ST6GALNAC6: variants seen among roughly 807,000 people sequenced by gnomAD.
The protein encoded by ST6GALNAC6 is ST6 N-acetylgalactosaminide alpha-2,6-sialyltransferase 6, also known as alpha-N-acetylgalactosaminide alpha-2,6-sialyltransferase 6.
In ST6GALNAC6, 19 loss-of-function variants were observed where a neutral mutation model predicts 34.3. The ratio of observed to expected loss-of-function variants is 0.55; its 90% CI spans 0.39 to 0.81. ST6GALNAC6 has a LOEUF of 0.81. Ranked by LOEUF, ST6GALNAC6 falls within the 40% of genes least tolerant of loss-of-function variation. ST6GALNAC6 has a pLI of 0.00. For synonymous variants in ST6GALNAC6, 185 were observed against 182.1 expected (o/e 1.02, Z -0.13); for missense variants, 377 against 467.7 (o/e 0.81, Z 1.79).
At chr9:127,894,925 G>T (rs1424138709) in intron 3 of ST6GALNAC6, among the ~76,000 whole-genome samples, 1 of 152,180 alleles carries the variant, frequency 6.6e-6, no homozygotes, top group Non-Finnish European at 1.5e-5. Context: ...GACTAGGTCA[G>T]CCTTGCTCCC....
intron 2 of ST6GALNAC6, 89 bp downstream of exon 2, chr9:127,897,866 CT>C (rs1333425898): frequency 2.5e-6 from 4 of 1,598,724 alleles, no homozygotes; most frequent in African/African-American, 1.3e-5. Context: ...CACCGTCCCC[CT>C]GGTCCGCCCC....
chr9:127,891,737 GAGGGGGAGGGGAAGAAGAC>G (rs1830152092), intron 4 of ST6GALNAC6, among the ~76,000 whole-genome samples: 1 of 136,786 alleles, frequency 7.3e-6, no homozygotes, highest in Non-Finnish European at 1.6e-5. Context: ...AGGGGAGGGG[GAGGGGGAGGGGAAGAAGAC>G]AGGGGGAGGG....
Position 127,887,478 on chromosome 9 carries a change from G to A in ST6GALNAC6, c.812+6C>T, listed in dbSNP as rs759204910. ...TCCTGGGAGGGCGCTGGCAAGGAGG[G>A]CTCACCTGCAGTAGTTGGGGGGGAC... On this transcript the variant is annotated splice_donor_region_variant and intron_variant, in intron 6 of 6. Coordinates refer to ENST00000373146, the MANE Select transcript of ST6GALNAC6 (RefSeq NM_013443.5). The A allele has an allele frequency of 8.0e-5, 128 of 1,607,824 alleles. 1 individual carries two copies. The highest frequency in any genetic ancestry group is 1.8e-4 in the Admixed American group (11 of 59,508).
chr9:127,886,366 C>A lies in ST6GALNAC6; in HGVS notation c.*233G>T. The stretch of plus-strand genomic sequence containing the variant: ...TCTACCCTGATTGACTGTGCGCAGA[C>A]CCTGACTGCACAAGAAAGACACCCC... On this transcript the variant is annotated 3_prime_UTR_variant, in exon 7 of 7. Coordinates refer to ENST00000373146, the MANE Select transcript of ST6GALNAC6 (RefSeq NM_013443.5). 2 of 1,303,118 alleles carry A rather than the reference C, an allele frequency of 1.5e-6. No individual in the cohort carries two copies. The highest frequency in any genetic ancestry group is 2.0e-6 in the Non-Finnish European group (2 of 979,102). The allele number at this position is 1,303,118 out of a possible 1,614,324, so 80.7% of individuals were successfully genotyped here.
chr9:127,891,735 G>A (rs1830151444), intron 4 of ST6GALNAC6, among the ~76,000 whole-genome samples: 1 of 138,154 alleles, frequency 7.2e-6, no homozygotes, highest in South Asian at 2.5e-4. Flanking sequence ...GAAGGGGAGG[G>A]GGAGGGGGAG....
chr9:127,901,569 C>A (rs113801474), upstream of ST6GALNAC6, among the ~76,000 whole-genome samples: 162 of 152,068 alleles, frequency 1.1e-3, 1 homozygote, highest in African/African-American at 3.8e-3. Flanking sequence ...GAGCCCAGAT[C>A]GTGCCACTGC....
rs1351579222 is a variant in ST6GALNAC6, at chr9:127,896,287, T to G, written c.72A>C (p.Arg24=). 3 of 1,613,912 alleles carry G rather than the reference T, an allele frequency of 1.9e-6. No individual in the cohort carries two copies. Among genetic ancestry groups the G allele is most frequent in the African/African-American group, 1.3e-5 (1 of 74,896 alleles). The change falls in exon 3 of 7, where the codon CGA becomes CGC. Residue 24 remains arginine (R), a synonymous_variant. Coordinates refer to ENST00000373146, the MANE Select transcript of ST6GALNAC6 (RefSeq NM_013443.5). ...SLPPGPPAGR[R]HLPLSRRRRE... ...TCCGGCGTCTGCTGAGGGGTAGGTGTCGGCGTCCTGCAGGTGGCCCTGGGG... is the reference window on the plus strand; with the variant it reads ...TCCGGCGTCTGCTGAGGGGTAGGTGGCGGCGTCCTGCAGGTGGCCCTGGGG...
In ST6GALNAC6 at chr9:127,886,731, G is replaced by A. The variant is rs755770749; in HGVS notation, c.870C>T (p.Asp290=). 16 of 1,613,670 alleles carry A rather than the reference G, an allele frequency of 9.9e-6. No individual in the cohort carries two copies. The highest frequency in any genetic ancestry group is 2.2e-5 in the East Asian group (1 of 44,906). The stretch of plus-strand genomic sequence containing the variant: ...CATTCTGGATGTAGGTGACACATTC[G>A]TCCGGCCCCTTGGGCTCGTAGTAGT... The part of the protein sequence containing the change: ...PYHYYEPKGP[D]ECVTYIQNEH... The change falls in exon 7 of 7, where the codon GAC becomes GAT. Residue 290 remains aspartate, a synonymous_variant. Coordinates refer to ENST00000373146, the MANE Select transcript of ST6GALNAC6 (RefSeq NM_013443.5).
At chr9:127,896,795 C>A in intron 2 of ST6GALNAC6, 2 of 927,754 alleles carry the variant, frequency 2.2e-6, no homozygotes, top group Non-Finnish European at 2.6e-6. Context: ...TCCCACTCAT[C>A]CTCCAAGCCT....
rs1231304649 is a variant in ST6GALNAC6, at chr9:127,890,012, GC to G, written c.704+624del. ...AGTGGCACCATCCTGGCTCACTGCA[GC>G]CTCAACCTCCCGGGCTCAAGTCATC... On this transcript the variant is annotated intron_variant, in intron 5 of 6. Coordinates refer to ENST00000373146, the MANE Select transcript of ST6GALNAC6 (RefSeq NM_013443.5). The surrounding 1 kb of genome is among the most constrained non-coding windows in gnomAD (Gnocchi z 4.3). Among the ~76,000 whole-genome samples the G allele has an allele frequency of 2.6e-5, 4 of 152,098 alleles. No individual in the cohort carries two copies. The highest frequency in any genetic ancestry group is 2.6e-4 in the Admixed American group (4 of 15,262).
intron 1 of ST6GALNAC6, chr9:127,899,280 G>C (rs1830652792): frequency 6.4e-6 from 1 of 156,758 alleles, no homozygotes; most frequent in African/African-American, 2.4e-5. Context: ...TGACGGGGTA[G>C]TCGGCGGCAA....
chr9:127,895,484 C>A (rs1304389652), intron 3 of ST6GALNAC6, among the ~76,000 whole-genome samples: 1 of 152,218 alleles, frequency 6.6e-6, no homozygotes, highest in Admixed American at 6.5e-5. Flanking sequence ...CAGGCCAGTT[C>A]TGTACTGGAG....
chr9:127,906,004 C>T (rs1403347294), upstream of ST6GALNAC6: 7 of 985,550 alleles, frequency 7.1e-6, no homozygotes, highest in East Asian at 1.1e-4. Context: ...CTCCTTGCTT[C>T]GCCAGCTCAG....
At chr9:127,895,006 T>C (rs1356764749) in intron 3 of ST6GALNAC6, among the ~76,000 whole-genome samples, 1 of 152,126 alleles carries the variant, frequency 6.6e-6, no homozygotes, top group Non-Finnish European at 1.5e-5. Flanking sequence ...CTGGACTGGA[T>C]TGAATATGTC....
rs377183917 is a variant in ST6GALNAC6 at position 127,885,638 on chromosome 9, A to C, written c.*961T>G. On this transcript the variant is annotated 3_prime_UTR_variant, in exon 7 of 7. Transcript: ENST00000373146. The stretch of plus-strand genomic sequence containing the variant: ...GGGAGACCCTCGGAAGCCCCCAGTG[A>C]CTCCAGACAAAGGGGCAGCCCCAAA... 1.3e-5 allele frequency: 2 copies of C among 152,128 alleles called. No homozygotes were observed. Among genetic ancestry groups the C allele is most frequent in the East Asian group, 3.9e-4 (2 of 5,190 alleles). 9.4% of individuals were successfully genotyped at this position (152,128 alleles called of 1,614,324 possible).
chr9:127,887,712 C>A (rs1021614171), intron 5 of ST6GALNAC6, 121 bp from the exon 6 acceptor site: 13 of 769,912 alleles, frequency 1.7e-5, no homozygotes, highest in African/African-American at 3.4e-5. Flanking sequence ...GGCCCCACTC[C>A]CACTTTGGTT....
At chr9:127,888,580 G>A (rs181299207) in intron 5 of ST6GALNAC6, among the ~76,000 whole-genome samples, 71 of 151,236 alleles carry the variant, frequency 4.7e-4, no homozygotes, top group African/African-American at 1.6e-3. Context: ...AGGCCAAGGC[G>A]GGCAGATCAC....
intron 2 of ST6GALNAC6, chr9:127,897,498 C>A: frequency 1.1e-6 from 1 of 949,050 alleles, no homozygotes; most frequent in Non-Finnish European, 1.3e-6. Flanking sequence ...ACCCCGCCCC[C>A]TCCCCGTGGG....
At chr9:127,898,855 G>C (rs1048308204) in intron 1 of ST6GALNAC6, among the ~76,000 whole-genome samples, 4 of 152,238 alleles carry the variant, frequency 2.6e-5, no homozygotes, top group Non-Finnish European at 4.4e-5. Context: ...CACCAGGGCG[G>C]GGGTCTAGGG....
Sources: allele counts gnomAD v4.1 joint callset (sites outside exome capture counted in the v4.1 genomes callset), GRCh38; gene constraint gnomAD v4.1.1; non-coding constraint Gnocchi (gnomAD v3.1); transcripts MANE v1.5; gene names NCBI Gene and HGNC (gene_info 2026-07-23, HGNC 2026-07-21).